Variants in NRXN1 observed in about 807,000 individuals in gnomAD.
NRXN1 encodes the protein neurexin-1.
NRXN1 carries 39 observed loss-of-function variants against 150.9 expected under a neutral mutation model. The ratio of observed to expected loss-of-function variants is 0.26; its 90% CI spans 0.20 to 0.34. NRXN1 has a LOEUF of 0.34. Among genes scored for constraint, NRXN1 ranks in the 10% least tolerant of loss-of-function variants. The probability of loss-of-function intolerance (pLI) is 1.00; values close to 1 mark genes in which losing one functional copy is unlikely to be tolerated. For synonymous variants in NRXN1, 924 were observed against 757.0 expected, an observed-to-expected ratio of 1.22 and a Z score of -3.62; for missense variants, 1,815 against 1,949.9, an observed-to-expected ratio of 0.93 and a Z score of 1.30.
intron 15 of NRXN1, among the ~76,000 whole-genome samples, chr2:50,491,075 A>C (rs1457163881): frequency 1.3e-5 from 2 of 151,944 alleles, no homozygotes; most frequent in African/African-American, 4.8e-5. Flanking sequence ...GCTCAACATC[A>C]CTCTTCCCTG....
intron 2 of NRXN1, among the ~76,000 whole-genome samples, chr2:51,025,319 C>A (rs956808161): frequency 2.0e-5 from 3 of 152,118 alleles, no homozygotes; most frequent in African/African-American, 7.2e-5. Flanking sequence ...ATTCCAAATT[C>A]TTTATCTTAT....
intron 5 of NRXN1, among the ~76,000 whole-genome samples, chr2:50,786,311 A>G (rs1214930961): frequency 1.3e-5 from 2 of 152,086 alleles, no homozygotes; most frequent in African/African-American, 4.8e-5. Context: ...GCACCAAAAA[A>G]TCTGTTTTTA....
At chr2:50,020,099 G>A (rs1254326536) in intron 21 of NRXN1, among the ~76,000 whole-genome samples, 4 of 151,874 alleles carry the variant, frequency 2.6e-5, no homozygotes, top group Admixed American at 2.0e-4. Flanking sequence ...CATTCATTAA[G>A]TATACGCAGA....
intron 5 of NRXN1, among the ~76,000 whole-genome samples, chr2:50,638,958 C>T (rs1683639387): frequency 6.6e-6 from 1 of 152,086 alleles, no homozygotes; most frequent in Non-Finnish European, 1.5e-5. Flanking sequence ...CACTCTTCTA[C>T]TTGTGATAGG....
At chr2:50,446,480 C>A (rs1343841402) in intron 17 of NRXN1, among the ~76,000 whole-genome samples, 1 of 140,102 alleles carries the variant, frequency 7.1e-6, no homozygotes, top group South Asian at 2.5e-4. Flanking sequence ...TCCCTTCCTG[C>A]CTCCCTTCCT....
At chr2:50,649,210 G>C (rs1402121984) in intron 5 of NRXN1, among the ~76,000 whole-genome samples, 1 of 146,212 alleles carries the variant, frequency 6.8e-6, no homozygotes, top group Admixed American at 6.9e-5. Context: ...CTTCTTTCAA[G>C]GAAAAGAATA....
intron 21 of NRXN1, among the ~76,000 whole-genome samples, chr2:50,043,969 G>GA (rs1303500254): frequency 6.6e-6 from 1 of 151,054 alleles, no homozygotes; most frequent in Admixed American, 6.6e-5. Flanking sequence ...AAGGAAGAAT[G>GA]AAAAAAAAGG....
chr2:50,140,469 A>T (rs1400301232), intron 18 of NRXN1, among the ~76,000 whole-genome samples: 1 of 152,128 alleles, frequency 6.6e-6, no homozygotes, highest in Non-Finnish European at 1.5e-5. Context: ...CTCCACATTT[A>T]TCTAAGCCTT....
chr2:50,839,730 A>G (rs1672608230), intron 5 of NRXN1, among the ~76,000 whole-genome samples: 1 of 152,138 alleles, frequency 6.6e-6, no homozygotes, highest in Non-Finnish European at 1.5e-5. Context: ...ACACATAAGA[A>G]TGCTTGTCAT....
intron 2 of NRXN1, chr2:50,979,345 G>A: frequency 2.1e-6 from 1 of 485,384 alleles, no homozygotes; most frequent in Non-Finnish European, 4.1e-6. Flanking sequence ...TCTCAGCACA[G>A]TATCCTCCTT....
intron 5 of NRXN1, among the ~76,000 whole-genome samples, chr2:50,780,331 G>A (rs956409437): frequency 1.3e-5 from 2 of 152,000 alleles, no homozygotes; most frequent in Non-Finnish European, 2.9e-5. Context: ...TTACTAGTAT[G>A]TTTGAATAAC....
chr2:50,263,786 A>T (rs1256846490), intron 17 of NRXN1, among the ~76,000 whole-genome samples: 1 of 152,104 alleles, frequency 6.6e-6, no homozygotes, highest in Non-Finnish European at 1.5e-5. Context: ...GTTCAATAAC[A>T]CGCCTGTTTA....
At chr2:50,902,471 A>C (rs1418779663) in intron 5 of NRXN1, among the ~76,000 whole-genome samples, 5 of 152,220 alleles carry the variant, frequency 3.3e-5, no homozygotes, top group Non-Finnish European at 1.5e-5. Context: ...CTAAACCAGA[A>C]ATCATTTTAG....
intron 8 of NRXN1, among the ~76,000 whole-genome samples, chr2:50,606,959 G>C (rs1302695948): frequency 6.6e-6 from 1 of 151,984 alleles, no homozygotes; most frequent in African/African-American, 2.4e-5. Context: ...TGCAAATGAA[G>C]TGAAAAAATG....
chr2:50,898,763 T>C (rs1682430389), intron 5 of NRXN1, among the ~76,000 whole-genome samples: 3 of 152,106 alleles, frequency 2.0e-5, no homozygotes, highest in Admixed American at 1.3e-4. Context: ...AAATAAGTGT[T>C]GATGGACATC....
chr2:50,621,186 C>T lies in NRXN1; in HGVS notation c.1158+40G>A. The T allele has an allele frequency of 6.5e-7, 1 of 1,531,706 alleles. No individual in the cohort carries two copies. Among genetic ancestry groups the T allele is most frequent in the South Asian group, 1.2e-5 (1 of 80,782 alleles). 94.9% of individuals were successfully genotyped at this position (1,531,706 alleles called of 1,614,324 possible). A position where few individuals can be genotyped will look rare whatever the true frequency, so the allele number is the denominator to read the frequency against. On this transcript the variant is annotated intron_variant, in intron 7 of 22. Coordinates refer to ENST00000401669, the MANE Select transcript of NRXN1 (RefSeq NM_001330078.2). ...CACACGGCAAACCCAAAATAAGAAA[C>T]AATTAGAATGATATCTACCGAACAA... is the stretch of plus-strand genomic sequence containing the variant.
intron 2 of NRXN1, among the ~76,000 whole-genome samples, chr2:51,026,167 T>C (rs1014937872): frequency 1.3e-5 from 2 of 152,202 alleles, no homozygotes; most frequent in South Asian, 4.1e-4. Context: ...AAAGACATTA[T>C]ACAATAAAAC....
chr2:50,626,030 T>C (rs1464955573), intron 5 of NRXN1, among the ~76,000 whole-genome samples: 1 of 152,014 alleles, frequency 6.6e-6, no homozygotes, highest in Non-Finnish European at 1.5e-5. Flanking sequence ...TTGTAGCTAA[T>C]GCAGGAAGAC....
intron 5 of NRXN1, among the ~76,000 whole-genome samples, chr2:50,823,084 C>T (rs1463833422): frequency 4.6e-5 from 7 of 152,158 alleles, no homozygotes; most frequent in Admixed American, 3.9e-4. Flanking sequence ...GGCACCATTA[C>T]GATTCCAGGA....
Sources: allele counts gnomAD v4.1 joint callset (sites outside exome capture counted in the v4.1 genomes callset), GRCh38; gene constraint gnomAD v4.1.1; transcripts MANE v1.5; gene names NCBI Gene and HGNC (gene_info 2026-07-23, HGNC 2026-07-21).